The following NELL2 variants were observed in gnomAD, a reference collection of about 807,000 sequenced individuals.
The protein encoded by NELL2 is neural EGFL like 2.
A neutral mutation model predicts 109.6 loss-of-function variants in NELL2; 41 were observed. That is an observed-to-expected ratio of 0.37 (90% CI 0.29 to 0.49). NELL2 has a LOEUF of 0.49. Ranked by LOEUF, NELL2 falls within the 20% of genes least tolerant of loss-of-function variation. The pLI, the probability that NELL2 is intolerant of heterozygous loss-of-function variation, is 0.98. For missense variants in NELL2, 900 were observed against 1,008.3 expected (o/e 0.89, Z 1.45); for synonymous variants, 355 against 344.7 (o/e 1.03, Z -0.33).
At chr12:44,844,517 C>CT (rs1403505074) in intron 2 of NELL2, among the ~76,000 whole-genome samples, 7 of 152,134 alleles carry the variant, frequency 4.6e-5, no homozygotes, top group Non-Finnish European at 7.4e-5. Context: ...AATCAGCCTC[C>CT]TCAAAGGTGG....
chr12:44,725,813 C>T (rs1939049796), intron 9 of NELL2, among the ~76,000 whole-genome samples: 1 of 152,046 alleles, frequency 6.6e-6, no homozygotes, highest in Non-Finnish European at 1.5e-5. Context: ...AACTTATGAA[C>T]ACAAAGAAGG....
At chr12:44,915,894 C>T (rs1317636105), upstream of NELL2, among the ~76,000 whole-genome samples, 2 of 152,192 alleles carry the variant, frequency 1.3e-5, no homozygotes, top group East Asian at 1.9e-4. Context: ...AATGACATCA[C>T]TCATCAGTCC....
intron 16 of NELL2, 184 bp downstream of exon 16, chr12:44,532,396 TA>T: frequency 2.2e-6 from 1 of 453,726 alleles, no homozygotes; most frequent in Non-Finnish European, 3.5e-6. Flanking sequence ...TTTAATTATC[TA>T]AAAATAACAT....
intron 11 of NELL2, among the ~76,000 whole-genome samples, chr12:44,710,273 C>T (rs974646758): frequency 3.3e-5 from 5 of 152,036 alleles, no homozygotes; most frequent in African/African-American, 9.7e-5. Context: ...CTTACTTTTT[C>T]TATTTAAGCT....
At chr12:44,740,146 C>T (rs1939872849) in intron 9 of NELL2, among the ~76,000 whole-genome samples, 1 of 152,156 alleles carries the variant, frequency 6.6e-6, no homozygotes, top group Admixed American at 6.5e-5. Flanking sequence ...TAATGACTGT[C>T]TGAGTTATGG....
intron 13 of NELL2, among the ~76,000 whole-genome samples, chr12:44,618,734 T>C (rs2136267330): frequency 6.6e-6 from 1 of 152,272 alleles, no homozygotes; most frequent in South Asian, 2.1e-4. Context: ...GATAACTAAC[T>C]ATGATATATT....
chr12:44,800,375 G>A (rs570670578), intron 3 of NELL2, among the ~76,000 whole-genome samples: 8 of 150,546 alleles, frequency 5.3e-5, no homozygotes, highest in African/African-American at 1.5e-4. Context: ...GAATTGAGAC[G>A]AGAGAGAGAG....
intron 1 of NELL2, among the ~76,000 whole-genome samples, chr12:44,909,396 A>G (rs577934975): frequency 6.6e-6 from 1 of 150,568 alleles, no homozygotes; most frequent in African/African-American, 2.5e-5. Flanking sequence ...GATCTCTACA[A>G]GGAGAATGAC....
intron 15 of NELL2, among the ~76,000 whole-genome samples, chr12:44,572,311 A>T (rs182611481): frequency 6.6e-6 from 1 of 151,704 alleles, no homozygotes; most frequent in Non-Finnish European, 1.5e-5. Context: ...CCAGTTAATT[A>T]AAAAAAAATT....
At chr12:44,787,962 A>G (rs571368967) in intron 3 of NELL2, among the ~76,000 whole-genome samples, 91 of 152,314 alleles carry the variant, frequency 6.0e-4, no homozygotes, top group African/African-American at 2.1e-3. Context: ...AAAACTGGAC[A>G]CCATCAGAAA....
intron 9 of NELL2, among the ~76,000 whole-genome samples, chr12:44,730,648 G>T (rs535962479): frequency 6.6e-6 from 1 of 151,908 alleles, no homozygotes; most frequent in Non-Finnish European, 1.5e-5. Context: ...AAAAAGGGAA[G>T]TTTATAGGGG....
chr12:44,857,283 C>CAGT (rs1944710989), intron 2 of NELL2, among the ~76,000 whole-genome samples: 1 of 152,082 alleles, frequency 6.6e-6, no homozygotes, highest in South Asian at 2.1e-4. Flanking sequence ...CATTAAAAGA[C>CAGT]AGTAAATCAT....
In NELL2 at chr12:44,587,284, A is replaced by AAAAAAAAAAT; in HGVS notation, c.1663+19884_1663+19885insATTTTTTTTT. 9.8e-3 allele frequency among the ~76,000 whole-genome samples: 704 copies of AAAAAAAAAAT among 72,032 alleles called. 29 individuals are homozygous for AAAAAAAAAAT. Among genetic ancestry groups the AAAAAAAAAAT allele is most frequent in the African/African-American group, 0.032 (635 of 19,558 alleles). 47.3% of individuals were successfully genotyped at this position (72,032 alleles called of 152,430 possible). A position where few individuals can be genotyped will look rare whatever the true frequency, so the allele number is the denominator to read the frequency against. Reference sequence around the variant, plus strand: ...AAGACTCCGTCTCAAAAAAAAAAAAAATATATATATATATATATATATATT... The same window carrying AAAAAAAAAAT: ...AAGACTCCGTCTCAAAAAAAAAAAAAAAAAAAAAATATATATATATATATATATATATATT... On this transcript the variant is annotated intron_variant, in intron 15 of 19. Coordinates refer to ENST00000429094, the MANE Select transcript of NELL2 (RefSeq NM_001145108.2).
rs559042082 is a variant in NELL2 at position 44,646,805 on chromosome 12, G to A, written c.1444+18679C>T. Among the ~76,000 whole-genome samples, 13 of 152,252 alleles carry A rather than the reference G, an allele frequency of 8.5e-5. No homozygotes were observed. In the South Asian group the frequency reaches 2.5e-3, roughly 29 times the overall value. Reference sequence around the variant, plus strand: ...CACTCTTAGGCAATGTAATTATTTTGAATGCTAAGTCAAAATACTACTGAG... The same window carrying A: ...CACTCTTAGGCAATGTAATTATTTTAAATGCTAAGTCAAAATACTACTGAG... On this transcript the variant is annotated intron_variant, in intron 13 of 19. Transcript: ENST00000429094.
intron 12 of NELL2, among the ~76,000 whole-genome samples, chr12:44,694,332 TG>T (rs1480774693): frequency 1.3e-5 from 2 of 152,128 alleles, no homozygotes; most frequent in Non-Finnish European, 2.9e-5. Flanking sequence ...AACCTCGGAC[TG>T]GAACTTATAT....
At chr12:44,705,797 A>T (rs1937844093) in intron 11 of NELL2, among the ~76,000 whole-genome samples, 1 of 152,232 alleles carries the variant, frequency 6.6e-6, no homozygotes, top group African/African-American at 2.4e-5. Flanking sequence ...GCTCTAACAC[A>T]GTGCTAAATT....
intron 9 of NELL2, among the ~76,000 whole-genome samples, chr12:44,760,000 A>G (rs1246794264): frequency 1.3e-5 from 2 of 152,194 alleles, no homozygotes; most frequent in African/African-American, 2.4e-5. Context: ...ACCTGAAAAC[A>G]ATCTTTCTCT....
intron 3 of NELL2, among the ~76,000 whole-genome samples, chr12:44,808,327 T>C (rs1384662992): frequency 6.6e-6 from 1 of 152,054 alleles, no homozygotes; most frequent in Non-Finnish European, 1.5e-5. Context: ...AAATTCCATT[T>C]GCTTGTTTTA....
At chr12:44,782,014 T>G (rs1941980290) in intron 3 of NELL2, among the ~76,000 whole-genome samples, 1 of 152,008 alleles carries the variant, frequency 6.6e-6, no homozygotes, top group Admixed American at 6.6e-5. Flanking sequence ...TAAGCTTTCC[T>G]TCTCCTCTTT....
Sources: gnomAD v4.1 joint callset for allele counts (sites outside exome capture counted in the v4.1 genomes callset) on GRCh38, gnomAD v4.1.1 for gene constraint, MANE v1.5 for transcripts, NCBI Gene and HGNC (gene_info 2026-07-23, HGNC 2026-07-21) for gene names.